STRADA: variants seen among roughly 807,000 people sequenced by gnomAD.
STRADA encodes STE20 related adaptor alpha.
STRADA carries 26 observed loss-of-function variants against 55.0 expected under a neutral mutation model. That is an observed-to-expected ratio of 0.47 (90% CI 0.35 to 0.66). The LOEUF (loss-of-function observed/expected upper bound fraction) is 0.66, where lower values mean the gene tolerates loss of function less well. Ranked by LOEUF, STRADA falls within the 30% of genes least tolerant of loss-of-function variation. STRADA has a pLI of 0.01. For synonymous variants in STRADA, 197 were observed against 210.9 expected, an observed-to-expected ratio of 0.93 and a Z score of 0.57; for missense variants, 443 against 549.7, an observed-to-expected ratio of 0.81 and a Z score of 1.94.
Position 63,707,140 on chromosome 17 carries a change from C to T in STRADA, c.753+107G>A, listed in dbSNP as rs1598158854. 6 of 1,449,686 alleles carry T rather than the reference C, an allele frequency of 4.1e-6. No individual in the cohort carries two copies. The East Asian group carries it at 1.4e-4, about 33-fold the overall frequency. The allele number at this position is 1,449,686 out of a possible 1,614,324, so 89.8% of individuals were successfully genotyped here. On this transcript the variant is annotated intron_variant, in intron 9 of 12. Transcript: ENST00000336174. The stretch of plus-strand genomic sequence containing the variant: ...GAGGGCTCCCTCCCTCCAGGAACCC[C>T]TTTACCCCACTGGGAGGTTGAGAGC...
intron 1 of STRADA, among the ~76,000 whole-genome samples, 186 bp from the exon 2 acceptor site, chr17:63,728,599 T>C (rs1018246105): frequency 6.6e-6 from 1 of 152,096 alleles, no homozygotes; most frequent in Non-Finnish European, 1.5e-5. Context: ...AAGTACATTA[T>C]AAAATTCTGT....
Position 63,714,031 on chromosome 17 carries a change from C to T in STRADA, c.201G>A (p.Gly67=), listed in dbSNP as rs764697648. 26 of 1,613,890 alleles carry T rather than the reference C, an allele frequency of 1.6e-5. No homozygotes were observed. In the Admixed American group the frequency reaches 4.2e-4, roughly 26 times the overall value. ...CTATCACAGTGAGCAGCTCGTAACA[C>T]CCTCCCTCTGGCAGAAAGCTACTCA... ...EVMSSFLPEG[G]CYELLTVIGK... The change falls in exon 5 of 13, where the codon GGG becomes GGA. Residue 67 remains glycine, a synonymous_variant. Coordinates refer to ENST00000336174, the MANE Select transcript of STRADA (RefSeq NM_001003787.4).
chr17:63,706,719 G>A lies in STRADA; in HGVS notation c.774C>T (p.Ala258=), dbSNP rs2036117206. 6.2e-7 allele frequency: 1 copy of A among 1,613,678 alleles called. No homozygotes were observed. ...VLQQNLQGYD[A]KSDIYSVGIT... is the part of the protein sequence containing the mutation. ...TTCCCACACTGTAGATGTCAGACTT[G>A]GCATCATAACCCTGGAGATTCTAAG... Residue 258 remains alanine (A), a synonymous_variant, in exon 10 of 13, where the codon GCC becomes GCT. Transcript: ENST00000336174.
chr17:63,721,287 G>A (rs1344600046), intron 4 of STRADA, among the ~76,000 whole-genome samples: 3 of 151,460 alleles, frequency 2.0e-5, no homozygotes, highest in South Asian at 4.2e-4. Flanking sequence ...CAGGAGAATC[G>A]CTTGAACCCG....
intron 10 of STRADA, 43 bp from the exon 11 acceptor site, chr17:63,704,625 G>GTT (rs778334499): frequency 2.2e-5 from 22 of 990,878 alleles, no homozygotes; most frequent in South Asian, 7.7e-5. Flanking sequence ...GCGGGTGGGG[G>GTT]GGGGGGGTGG....
At chr17:63,733,926 T>A (rs952558417) in intron 1 of STRADA, among the ~76,000 whole-genome samples, 2 of 152,218 alleles carry the variant, frequency 1.3e-5, no homozygotes, top group African/African-American at 4.8e-5. Flanking sequence ...TTGCTCCTGG[T>A]TTCCCCCAGA....
intron 9 of STRADA, 34 bp downstream of exon 9, chr17:63,707,213 G>A (rs765833593): frequency 6.2e-7 from 1 of 1,610,750 alleles, no homozygotes; most frequent in Admixed American, 1.7e-5. Context: ...ATCATGAGTT[G>A]GGTAGGGGAG....
chr17:63,712,062 T>C (rs1486009349), intron 6 of STRADA, among the ~76,000 whole-genome samples: 1 of 151,980 alleles, frequency 6.6e-6, no homozygotes, highest in Non-Finnish European at 1.5e-5. Flanking sequence ...TAGAGCACCA[T>C]CAGGTAACCA....
At chr17:63,732,264 C>T (rs1045630390) in intron 1 of STRADA, among the ~76,000 whole-genome samples, 1 of 152,148 alleles carries the variant, frequency 6.6e-6, no homozygotes, top group Non-Finnish European at 1.5e-5. Flanking sequence ...CTCGGCCTCC[C>T]AAAGTGCTAG....
At position 63,706,662 on chromosome 17, in the gene STRADA, G is replaced by A; in HGVS notation, c.831C>T (p.Val277=). The A allele has an allele frequency of 6.2e-7, 1 of 1,614,042 alleles. No individual in the cohort carries two copies. The highest frequency in any genetic ancestry group is 1.1e-5 in the South Asian group (1 of 91,076). The change falls in exon 10 of 13, where the codon GTC becomes GTT. Residue 277 remains valine, a synonymous_variant. Coordinates refer to ENST00000336174, the MANE Select transcript of STRADA (RefSeq NM_001003787.4). ...ITACELANGH[V]PFKDMPATQM... Reference sequence around the variant, plus strand: ...GGGTGGCAGGCATATCCTTAAAGGGGACATGGCCGTTGGCCAGTTCACAGG... The same window carrying A: ...GGGTGGCAGGCATATCCTTAAAGGGAACATGGCCGTTGGCCAGTTCACAGG...
At chr17:63,724,577 CT>C (rs958584180) in intron 3 of STRADA, among the ~76,000 whole-genome samples, 1 of 151,768 alleles carries the variant, frequency 6.6e-6, no homozygotes, top group African/African-American at 2.4e-5. Flanking sequence ...TGCTGACTAT[CT>C]TTTTTTTGTC....
chr17:63,723,401 T>C (rs2037441048), intron 3 of STRADA, 75 bp from the exon 4 acceptor site: 1 of 1,564,678 alleles, frequency 6.4e-7, no homozygotes, highest in Non-Finnish European at 8.8e-7. Flanking sequence ...CAGCAATTAT[T>C]GTACTTAGGA....
intron 4 of STRADA, chr17:63,718,870 T>C (rs2037090142): frequency 6.6e-6 from 1 of 152,220 alleles, no homozygotes; most frequent in African/African-American, 2.4e-5. Context: ...CTGGTCACGT[T>C]ATCAGACAGC....
chr17:63,718,599 A>G (rs1156769027), intron 4 of STRADA, among the ~76,000 whole-genome samples: 1 of 152,204 alleles, frequency 6.6e-6, no homozygotes, highest in Non-Finnish European at 1.5e-5. Flanking sequence ...ACCCCAGCCT[A>G]TGAGTATACA....
intron 4 of STRADA, among the ~76,000 whole-genome samples, chr17:63,716,332 G>C (rs180809342): frequency 6.6e-6 from 1 of 152,210 alleles, no homozygotes; most frequent in African/African-American, 2.4e-5. Context: ...CTGACCTCAA[G>C]TGACCCACCC....
chr17:63,714,497 T>G (rs552043297), intron 4 of STRADA: 3 of 296,126 alleles, frequency 1.0e-5, no homozygotes, highest in Admixed American at 9.3e-5. Flanking sequence ...AATTTCCTGA[T>G]GCATTAGGAT....
intron 10 of STRADA, chr17:63,705,365 A>G (rs1231545508): frequency 4.9e-5 from 9 of 182,740 alleles, no homozygotes; most frequent in Non-Finnish European, 1.1e-4. Context: ...CCTTCGCTGC[A>G]GCAAATTCTA....
rs758331473 is a variant in STRADA at position 63,707,389 on chromosome 17, G to A, written c.611C>T (p.Ser204Phe). The A allele has an allele frequency of 6.2e-7, 1 of 1,614,154 alleles. No homozygotes were observed. ...AGACAGGTAGACCTTCCCATCCACA[G>A]AGATCAGGATGTGGCTGGCTTTGAC... ...RSVKASHILI[S>F]VDGKVYLSGL... Residue 204 changes from serine (S) to phenylalanine (F), a missense_variant, in exon 9 of 13, where the codon TCT becomes TTT. Coordinates refer to ENST00000336174, the MANE Select transcript of STRADA (RefSeq NM_001003787.4).
intron 1 of STRADA, among the ~76,000 whole-genome samples, chr17:63,731,553 C>G (rs546121817): frequency 3.3e-5 from 5 of 151,990 alleles, no homozygotes; most frequent in Non-Finnish European, 7.4e-5. Flanking sequence ...CATGAGCCAC[C>G]GCGCCTGGCC....
Sources: gnomAD v4.1 joint callset for allele counts (sites outside exome capture counted in the v4.1 genomes callset) on GRCh38, gnomAD v4.1.1 for gene constraint, MANE v1.5 for transcripts, NCBI Gene and HGNC (gene_info 2026-07-23, HGNC 2026-07-21) for gene names.